The following AFG2A variants were observed in gnomAD, a reference collection of about 807,000 sequenced individuals.
The protein encoded by AFG2A is ATPase family gene 2 protein homolog A.
At chr4:123,314,047 G>A in the AFG2A span, 1 of 1,599,288 alleles carries the variant, frequency 6.3e-7, no homozygotes, top group Non-Finnish European at 8.5e-7. Context: ...AGAGAAGAGT[G>A]GGCTGCATAC....
chr4:123,080,903 A>G, the AFG2A span, among the ~76,000 whole-genome samples: 10 of 152,026 alleles, frequency 6.6e-5, no homozygotes, highest in East Asian at 1.5e-3. Context: ...ATTGACTGAC[A>G]TCAATAATAC....
chr4:122,988,119 C>T, the AFG2A span, among the ~76,000 whole-genome samples: 2 of 151,790 alleles, frequency 1.3e-5, no homozygotes, highest in South Asian at 4.2e-4. Flanking sequence ...CTTACTCTCT[C>T]CTGGCCCGCA....
chr4:123,274,608 A>G, the AFG2A span, among the ~76,000 whole-genome samples: 1 of 151,562 alleles, frequency 6.6e-6, no homozygotes, highest in Admixed American at 6.6e-5. Context: ...AAAAAAAAAA[A>G]CCTATCATAT....
the AFG2A span, chr4:122,927,861 G>A: frequency 7.6e-5 from 111 of 1,463,160 alleles, no homozygotes; most frequent in Non-Finnish European, 9.0e-5. Context: ...GTAGTCAAAG[G>A]AAATGCTCAT....
the AFG2A span, among the ~76,000 whole-genome samples, chr4:123,218,954 G>C: frequency 1.3e-4 from 20 of 152,306 alleles, no homozygotes; most frequent in South Asian, 4.1e-3. Context: ...GTTTTCTAGA[G>C]AGACAGATCC....
the AFG2A span, among the ~76,000 whole-genome samples, chr4:122,988,694 C>T: frequency 6.6e-6 from 1 of 152,090 alleles, no homozygotes; most frequent in African/African-American, 2.4e-5. Flanking sequence ...CGTGCCCAGC[C>T]CATTATTTCT....
the AFG2A span, among the ~76,000 whole-genome samples, chr4:123,072,347 C>T: frequency 6.6e-6 from 1 of 152,132 alleles, no homozygotes; most frequent in Non-Finnish European, 1.5e-5. Context: ...CTTAATTTCG[C>T]CTCACAGCAC....
the AFG2A span, among the ~76,000 whole-genome samples, chr4:123,296,568 T>G: frequency 8.5e-4 from 130 of 152,282 alleles, no homozygotes; most frequent in Non-Finnish European, 1.1e-3. Flanking sequence ...ACTAAAATAT[T>G]TATGGGTTAA....
At chr4:123,126,001 G>A in the AFG2A span, among the ~76,000 whole-genome samples, 1 of 152,144 alleles carries the variant, frequency 6.6e-6, no homozygotes, top group Non-Finnish European at 1.5e-5. Context: ...ATACTGTTAA[G>A]GAACATACAG....
the AFG2A span, among the ~76,000 whole-genome samples, chr4:123,003,743 T>C: frequency 3.3e-5 from 5 of 152,082 alleles, no homozygotes; most frequent in Non-Finnish European, 7.4e-5. Flanking sequence ...GTTGGGGTGC[T>C]CGGTGGTCAG....
chr4:123,197,261 C>T, the AFG2A span, among the ~76,000 whole-genome samples: 1 of 152,106 alleles, frequency 6.6e-6, no homozygotes, highest in East Asian at 1.9e-4. Flanking sequence ...GAATAACTAC[C>T]AATGTTTATT....
chr4:122,925,612 G>A, the AFG2A span, among the ~76,000 whole-genome samples: 2 of 152,068 alleles, frequency 1.3e-5, no homozygotes, highest in Non-Finnish European at 1.5e-5. Context: ...TCCTCATTTA[G>A]TTAGTTCCTA....
the AFG2A span, among the ~76,000 whole-genome samples, chr4:123,151,766 A>G: frequency 6.6e-6 from 1 of 152,190 alleles, no homozygotes; most frequent in East Asian, 1.9e-4. Flanking sequence ...TGACCTAGCA[A>G]TTCCATTACT....
the AFG2A span, among the ~76,000 whole-genome samples, chr4:123,219,582 T>C: frequency 1.3e-5 from 2 of 152,256 alleles, no homozygotes; most frequent in Non-Finnish European, 2.9e-5. Flanking sequence ...ACATAATTTC[T>C]TTTTATATTT....
At chr4:123,071,658 G>A in the AFG2A span, among the ~76,000 whole-genome samples, 1 of 152,148 alleles carries the variant, frequency 6.6e-6, no homozygotes, top group Admixed American at 6.5e-5. Context: ...ATACAAATCT[G>A]CAGTTACATA....
chr4:123,267,838 C>T, the AFG2A span, among the ~76,000 whole-genome samples: 26 of 151,812 alleles, frequency 1.7e-4, no homozygotes, highest in African/African-American at 6.0e-4. Flanking sequence ...AGTAGTGATA[C>T]ATCTTGAGGA....
the AFG2A span, among the ~76,000 whole-genome samples, chr4:123,254,093 T>A: frequency 6.6e-6 from 1 of 152,200 alleles, no homozygotes; most frequent in African/African-American, 2.4e-5. Flanking sequence ...TCTTTATATA[T>A]TTTGGATACA....
the AFG2A span, among the ~76,000 whole-genome samples, chr4:123,041,280 T>TTTTTC: frequency 7.0e-6 from 1 of 142,612 alleles, no homozygotes; most frequent in Admixed American, 7.0e-5. Flanking sequence ...CCAGCTAATT[T>TTTTTC]TTTTTTTTTT....
chr4:123,215,917 T>G, the AFG2A span, among the ~76,000 whole-genome samples: 1 of 152,190 alleles, frequency 6.6e-6, no homozygotes, highest in Non-Finnish European at 1.5e-5. Flanking sequence ...CTCTTGTTTT[T>G]TACTTCACTC....
Sources: allele counts gnomAD v4.1 joint callset (sites outside exome capture counted in the v4.1 genomes callset), GRCh38; gene constraint gnomAD v4.1.1; transcripts MANE v1.5; gene names NCBI Gene and HGNC (gene_info 2026-07-23, HGNC 2026-07-21).